The following TNNI3K variants were observed in gnomAD, a reference collection of about 807,000 sequenced individuals.
TNNI3K encodes the protein TNNI3 interacting kinase, also known as serine/threonine-protein kinase TNNI3K.
Under a neutral mutation model 114.5 loss-of-function variants are expected in TNNI3K, and 140 were observed. The observed-to-expected ratio is 1.22, with a 90% CI of 1.07 to 1.41. The LOEUF is 1.41. Ranked by LOEUF, TNNI3K falls within the 40% of genes most tolerant of loss-of-function variation. TNNI3K has a pLI of 0.00. For missense variants in TNNI3K, 1,125 were observed against 1,007.6 expected, an observed-to-expected ratio of 1.12 and a Z score of -1.58; for synonymous variants, 347 against 347.5, an observed-to-expected ratio of 1.00 and a Z score of 0.02.
intron 21 of TNNI3K, chr1:74,475,633 T>C (rs1436846080): frequency 8.4e-6 from 6 of 717,102 alleles, no homozygotes; most frequent in Middle Eastern, 2.3e-4. Flanking sequence ...TATCTCGTTT[T>C]CCTGAGTTAA....
At chr1:74,441,998 T>C (rs2100674597) in intron 20 of TNNI3K, among the ~76,000 whole-genome samples, 1 of 152,156 alleles carries the variant, frequency 6.6e-6, no homozygotes, top group South Asian at 2.1e-4. Context: ...TTAAATCAAT[T>C]TGTATCCTAT....
rs150718721 is a variant in TNNI3K at position 74,315,705 on chromosome 1, C to T, written c.445-15745C>T. Among the ~76,000 whole-genome samples the T allele has an allele frequency of 2.2e-3, 335 of 152,130 alleles. 2 individuals carry two copies. The highest frequency in any genetic ancestry group is 0.01 in the Middle Eastern group (3 of 294). On this transcript the variant is annotated intron_variant, in intron 5 of 24. Coordinates refer to ENST00000326637, the MANE Select transcript of TNNI3K (RefSeq NM_015978.3). Reference sequence around the variant, plus strand: ...AAGACAGGGGGAAAAAATCTATCATCGATTCTCCTTTGTGTTAGTTTCATA... The same window carrying T: ...AAGACAGGGGGAAAAAATCTATCATTGATTCTCCTTTGTGTTAGTTTCATA...
At chr1:74,368,222 GT>G (rs1265721200) in intron 13 of TNNI3K, among the ~76,000 whole-genome samples, 1 of 151,598 alleles carries the variant, frequency 6.6e-6, no homozygotes, top group African/African-American at 2.4e-5. Flanking sequence ...AGATGTTTCT[GT>G]TTTTTATAAA....
rs978676776 is a variant in TNNI3K, at chr1:74,312,580, C to T, written c.445-18870C>T. On this transcript the variant is annotated intron_variant, in intron 5 of 24. Coordinates refer to ENST00000326637, the MANE Select transcript of TNNI3K (RefSeq NM_015978.3). ...TTTTTAATCAAAATAAACACAAAGC[C>T]GAGAGGAATTTAAATTATTTAATGA... Among the ~76,000 whole-genome samples, 7 of 152,012 alleles carry T rather than the reference C, an allele frequency of 4.6e-5. No individual in the cohort carries two copies. In the South Asian group the frequency reaches 1.0e-3, roughly 23 times the overall value.
chr1:74,513,946 G>A (rs1477013205), intron 23 of TNNI3K, among the ~76,000 whole-genome samples: 1 of 152,170 alleles, frequency 6.6e-6, no homozygotes, highest in Non-Finnish European at 1.5e-5. Flanking sequence ...AGACTAAGGG[G>A]AGTAAATAAT....
In TNNI3K at chr1:74,462,276, G is replaced by A. The variant is rs924847614; in HGVS notation, c.2012-1165G>A. Among the ~76,000 whole-genome samples, 8 of 152,284 alleles carry A rather than the reference G, an allele frequency of 5.3e-5. No individual in the cohort carries two copies. The East Asian group carries it at 1.4e-3, about 26-fold the overall frequency. The stretch of plus-strand genomic sequence containing the variant: ...TGTATGGATAAACAGAATTTGATGG[G>A]AGTAAATTTTGGTAGAGTAGAGGTA... On this transcript the variant is annotated intron_variant, in intron 20 of 24. Transcript: ENST00000326637.
chr1:74,505,873 A>C (rs1258706160), intron 23 of TNNI3K, among the ~76,000 whole-genome samples: 1 of 152,246 alleles, frequency 6.6e-6, no homozygotes, highest in Non-Finnish European at 1.5e-5. Context: ...AACATTTTTT[A>C]TTAATGTGCA....
chr1:74,368,973 T>C (rs750686082), intron 13 of TNNI3K, 49 bp from the exon 14 acceptor site: 8 of 1,472,090 alleles, frequency 5.4e-6, no homozygotes, highest in East Asian at 2.3e-5. Context: ...TACACATCCA[T>C]GTGTGTGGTT....
chr1:74,513,363 G>A (rs1646293496), intron 23 of TNNI3K, among the ~76,000 whole-genome samples: 1 of 152,224 alleles, frequency 6.6e-6, no homozygotes, highest in African/African-American at 2.4e-5. Flanking sequence ...TGTTGGGGAT[G>A]CAGGGGCACT....
At chr1:74,528,282 G>A (rs1433561270) in intron 23 of TNNI3K, among the ~76,000 whole-genome samples, 1 of 152,156 alleles carries the variant, frequency 6.6e-6, no homozygotes, top group Non-Finnish European at 1.5e-5. Flanking sequence ...CAAGGGGCTG[G>A]AGCCTGAGCA....
At chr1:74,425,993 T>A (rs1317305402) in intron 17 of TNNI3K, among the ~76,000 whole-genome samples, 3 of 44,050 alleles carry the variant, frequency 6.8e-5, no homozygotes, top group Non-Finnish European at 1.3e-4. Flanking sequence ...CGCTGAAAGG[T>A]TCAGTGAATT....
chr1:74,393,938 C>G (rs1663935410), intron 17 of TNNI3K, among the ~76,000 whole-genome samples: 1 of 152,298 alleles, frequency 6.6e-6, no homozygotes, highest in African/African-American at 2.4e-5. Context: ...GGTGGTAATA[C>G]TGACCTGCTT....
Position 74,340,825 on chromosome 1 carries a change from A to T in TNNI3K, c.683-2017A>T, listed in dbSNP as rs563203596. Among the ~76,000 whole-genome samples the T allele has an allele frequency of 3.3e-5, 5 of 152,318 alleles. No homozygotes were observed. The South Asian group carries it at 1.0e-3, about 32-fold the overall frequency. The stretch of plus-strand genomic sequence containing the variant: ...TTGACTATCCCTGGCTTAGAACAGC[A>T]TGTGAACAAAGGAAAAGCTTTTTTA... On this transcript the variant is annotated intron_variant, in intron 7 of 24. Transcript: ENST00000326637.
intron 9 of TNNI3K, among the ~76,000 whole-genome samples, chr1:74,352,214 G>T (rs545752470): frequency 6.9e-4 from 105 of 152,288 alleles, no homozygotes; most frequent in Admixed American, 1.8e-3. Context: ...CAGGTCTGTT[G>T]GAGTTTACTG....
At position 74,264,602 on chromosome 1, in the gene TNNI3K, A is replaced by G. The variant is rs1173837398; in HGVS notation, c.334-6996A>G. Among the ~76,000 whole-genome samples, 4 of 152,096 alleles carry G rather than the reference A, an allele frequency of 2.6e-5. No individual in the cohort carries two copies. In the East Asian group the frequency reaches 7.7e-4, roughly 29 times the overall value. On this transcript the variant is annotated intron_variant, in intron 4 of 24. Transcript: ENST00000326637. ...TTTTATTTATATGTCCCTATTTTAT[A>G]TCCAGAAACTTAGTTTTCTTTCCAA...
At chr1:74,292,957 A>G (rs1280720543) in intron 5 of TNNI3K, among the ~76,000 whole-genome samples, 1 of 151,622 alleles carries the variant, frequency 6.6e-6, no homozygotes, top group Non-Finnish European at 1.5e-5. Flanking sequence ...ATCTCTAGCA[A>G]TGGTTTACTT....
At chr1:74,489,809 T>C (rs1668960590) in intron 22 of TNNI3K, among the ~76,000 whole-genome samples, 1 of 152,204 alleles carries the variant, frequency 6.6e-6, no homozygotes, top group African/African-American at 2.4e-5. Flanking sequence ...ACACACCTGG[T>C]CAAGAGATAG....
chr1:74,291,110 T>A (rs1454696969), intron 5 of TNNI3K, among the ~76,000 whole-genome samples: 1 of 151,638 alleles, frequency 6.6e-6, no homozygotes, highest in Non-Finnish European at 1.5e-5. Context: ...AGAATCTTCA[T>A]GAGAACTTCT....
In TNNI3K at chr1:74,237,148, G is replaced by A. The variant is rs118167046; in HGVS notation, c.149+938G>A. On this transcript the variant is annotated intron_variant, in intron 2 of 24. Transcript: ENST00000326637. The stretch of plus-strand genomic sequence containing the variant: ...GTTTATATGAAATTCGTCAATGGAT[G>A]TAACAAGGCTTTCACAAGTGTTCAA... 2.6e-4 allele frequency among the ~76,000 whole-genome samples: 40 copies of A among 152,050 alleles called. No homozygotes were observed. In the East Asian group the frequency reaches 7.3e-3, roughly 28 times the overall value.
Sources: allele counts gnomAD v4.1 joint callset (sites outside exome capture counted in the v4.1 genomes callset), GRCh38; gene constraint gnomAD v4.1.1; transcripts MANE v1.5; gene names NCBI Gene and HGNC (gene_info 2026-07-23, HGNC 2026-07-21).